PNMT: variants seen among roughly 807,000 people sequenced by gnomAD.
PNMT encodes noradrenaline N-methyltransferase.
In PNMT, 18 loss-of-function variants were observed where a neutral mutation model predicts 18.9. That is an observed-to-expected ratio of 0.95 (90% CI 0.66 to 1.41). The LOEUF is 1.41. Ranked by LOEUF, PNMT falls within the 40% of genes most tolerant of loss-of-function variation. The pLI is 0.00. For missense variants in PNMT, 378 were observed against 387.0 expected (o/e 0.98, Z 0.20); for synonymous variants, 167 against 168.6 (o/e 0.99, Z 0.08).
chr17:39,668,775 GC>G (rs2057275297), intron 1 of PNMT, 98 bp downstream of exon 1: 1 of 972,216 alleles, frequency 1.0e-6, no homozygotes, highest in Middle Eastern at 2.3e-4. Context: ...CAGACCAGGC[GC>G]CTAACAGATG....
rs562961764 is a variant in PNMT, at chr17:39,668,693, T to C, written c.202+16T>C. On this transcript the variant is annotated intron_variant, in intron 1 of 2. Transcript: ENST00000269582. ...TTCGCCACCGGTGAGCGGGGGAAAC[T>C]GAGGCACGAGGGACAAGAGGTCGTC... 1.3e-6 allele frequency: 2 copies of C among 1,559,564 alleles called. No homozygotes were observed. Among genetic ancestry groups the C allele is most frequent in the East Asian group, 2.4e-5 (1 of 41,080 alleles).
rs58657554 is a variant in PNMT, at chr17:39,670,362, C to T, written c.822C>T (p.Phe274=). ...TAGATGATGTCAAGGGCGTCTTCTT[C>T]GCCTGGGCTCAGAAGGTTGGGCTGT... The part of the protein sequence containing the change: ...TGVDDVKGVF[F]AWAQKVGL The change falls in exon 3 of 3, where the codon TTC becomes TTT. Residue 274 remains phenylalanine (F), a synonymous_variant. Transcript: ENST00000269582. 1,378 of 1,590,742 alleles carry T rather than the reference C, an allele frequency of 8.7e-4. 11 individuals are homozygous for T. The African/African-American group carries it at 0.015, about 18-fold the overall frequency.
chr17:39,670,174 C>A lies in PNMT; in HGVS notation c.634C>A (p.Leu212Ile), dbSNP rs769755357. ...GCTGCTGAGGCCTGGGGGGCACCTC[C>A]TCCTCATCGGGGCCCTGGAGGAGTC... The part of the protein sequence containing the change: ...TTLLRPGGHL[L>I]LIGALEESWY... Residue 212 changes from leucine (L) to isoleucine (I), a missense_variant, in exon 3 of 3, where the codon CTC (leucine) becomes ATC (isoleucine). Coordinates refer to ENST00000269582, the MANE Select transcript of PNMT (RefSeq NM_002686.4). 12 of 1,612,172 alleles carry A rather than the reference C, an allele frequency of 7.4e-6. No homozygotes were observed. In the South Asian group the frequency reaches 1.3e-4, roughly 18 times the overall value.
In PNMT at chr17:39,668,623, C is replaced by A; in HGVS notation, c.148C>A (p.Pro50Thr). 1.9e-6 allele frequency: 3 copies of A among 1,606,886 alleles called. No individual in the cohort carries two copies. In the South Asian group the frequency reaches 3.3e-5, roughly 18 times the overall value. Residue 50 changes from proline to threonine, a missense_variant, in exon 1 of 3, where the codon CCG (proline) becomes ACG (threonine). Physicochemically the swap from Pro to Thr is conservative, Grantham distance 38. Transcript: ENST00000269582. ...YAPPRGDLCN[P>T]NGVGPWKLRC... ...GCCCCCTCGCGGGGACCTGTGCAAC[C>A]CGAACGGCGTCGGGCCGTGGAAGCT...
chr17:39,668,400 C>A (rs2057271460), upstream of PNMT: 1 of 1,232,778 alleles, frequency 8.1e-7, no homozygotes, highest in Non-Finnish European at 1.0e-6. Context: ...CACAGCGGAC[C>A]GGTCGGGGCG....
chr17:39,669,811 C>T lies in PNMT; in HGVS notation c.385C>T (p.His129Tyr), dbSNP rs748715315. The T allele has an allele frequency of 1.2e-6, 2 of 1,613,930 alleles. No homozygotes were observed. Among genetic ancestry groups the T allele is most frequent in the South Asian group, 2.2e-5 (2 of 91,082 alleles). ...GAFNWSMYSQHACLIEGKGEC... is the reference protein window; with the variant it reads ...GAFNWSMYSQYACLIEGKGEC... ...CTTCAACTGGAGCATGTACAGCCAA[C>T]ATGCCTGCCTCATTGAGGGCAAGGG... Residue 129 changes from histidine to tyrosine, a missense_variant, in exon 2 of 3, where the codon CAT (histidine) becomes TAT (tyrosine). Coordinates refer to ENST00000269582, the MANE Select transcript of PNMT (RefSeq NM_002686.4).
chr17:39,669,743 A>C lies in PNMT; in HGVS notation c.317A>C (p.Asn106Thr), dbSNP rs772606092. 6.2e-7 allele frequency: 1 copy of C among 1,614,080 alleles called. No individual in the cohort carries two copies. The highest frequency in any genetic ancestry group is 2.2e-5 in the East Asian group (1 of 44,874). ...ACCATGACAGATTTCCTGGAGGTCAACCGCCAGGAGCTGGGGCGCTGGCTG... is the reference window on the plus strand; with the variant it reads ...ACCATGACAGATTTCCTGGAGGTCACCCGCCAGGAGCTGGGGCGCTGGCTG... ...DITMTDFLEV[N>T]RQELGRWLQE... The change falls in exon 2 of 3, where the codon AAC becomes ACC. Residue 106 changes from asparagine to threonine, a missense_variant. Transcript: ENST00000269582.
intron 2 of PNMT, 38 bp downstream of exon 2, chr17:39,669,874 C>T (rs2057283953): frequency 6.3e-7 from 1 of 1,599,354 alleles, no homozygotes. Context: ...AGGAGGCTTC[C>T]CATAGAGTGG....
chr17:39,670,030 C>A lies in PNMT; in HGVS notation c.490C>A (p.Pro164Thr). The A allele has an allele frequency of 6.2e-7, 1 of 1,605,998 alleles. No homozygotes were observed. The highest frequency in any genetic ancestry group is 1.1e-5 in the South Asian group (1 of 91,078). ...VLPIDVHQPQ[P>T]LGAGSPAPLP... The stretch of plus-strand genomic sequence containing the variant: ...GCCCATCGACGTGCACCAGCCCCAG[C>A]CCCTGGGTGCTGGGAGCCCAGCTCC... Residue 164 changes from proline to threonine, a missense_variant, in exon 3 of 3, where the codon CCC becomes ACC. Physicochemically the swap from Pro to Thr is conservative, Grantham distance 38. Coordinates refer to ENST00000269582, the MANE Select transcript of PNMT (RefSeq NM_002686.4).
chr17:39,668,342 G>A (rs2057271036), upstream of PNMT: 1 of 610,012 alleles, frequency 1.6e-6, no homozygotes, highest in Admixed American at 4.4e-5. Context: ...GGGTGGGGAG[G>A]ATGCGGCGCA....
rs200718504 is a variant in PNMT at position 39,670,199 on chromosome 17, C to T, written c.659C>T (p.Ser220Leu). 1.4e-4 allele frequency: 229 copies of T among 1,611,768 alleles called. 2 individuals carry two copies. Among genetic ancestry groups the T allele is most frequent in the Middle Eastern group, 1.7e-4 (1 of 5,760 alleles). Residue 220 changes from serine (S) to leucine (L), a missense_variant, in exon 3 of 3, where the codon TCG (serine) becomes TTG (leucine). Ser to Leu is a moderately radical substitution (Grantham distance 145). Transcript: ENST00000269582. ...HLLLIGALEE[S>L]WYLAGEARLT... is the part of the protein sequence containing the mutation. ...CTCCTCATCGGGGCCCTGGAGGAGT[C>T]GTGGTACCTGGCTGGGGAGGCCAGG... is the stretch of plus-strand genomic sequence containing the variant.
intron 1 of PNMT, 121 bp from the exon 2 acceptor site, chr17:39,669,508 C>A: frequency 1.4e-6 from 1 of 709,838 alleles, no homozygotes; most frequent in Non-Finnish European, 2.5e-6. Flanking sequence ...GATGGAGACA[C>A]ATTTGCAGAG....
Position 39,669,741 on chromosome 17 carries a change from C to A in PNMT, c.315C>A (p.Val105=). Residue 105 remains valine (V), a synonymous_variant, in exon 2 of 3, where the codon GTC becomes GTA. Coordinates refer to ENST00000269582, the MANE Select transcript of PNMT (RefSeq NM_002686.4). ...EDITMTDFLE[V]NRQELGRWLQ... ...TCACCATGACAGATTTCCTGGAGGT[C>A]AACCGCCAGGAGCTGGGGCGCTGGC... The A allele has an allele frequency of 6.2e-7, 1 of 1,613,886 alleles. No individual in the cohort carries two copies. Among genetic ancestry groups the A allele is most frequent in the South Asian group, 1.1e-5 (1 of 91,062 alleles).
chr17:39,669,888 G>A, intron 2 of PNMT, 52 bp downstream of exon 2: 1 of 1,595,606 alleles, frequency 6.3e-7, no homozygotes, highest in Non-Finnish European at 8.6e-7. Context: ...AGAGTGGCTG[G>A]TTGGGGCAAC....
intron 1 of PNMT, 118 bp downstream of exon 1, chr17:39,668,795 G>A: frequency 2.6e-6 from 2 of 759,746 alleles, no homozygotes; most frequent in Non-Finnish European, 4.1e-6. Flanking sequence ...TGGGGACCAA[G>A]AAACAAGAGA....
chr17:39,668,561 G>C lies in PNMT; in HGVS notation c.86G>C (p.Arg29Pro). ...GCGGCGGTGGCTTCGGCCTACCAGCGCTTCGAGCCGCGCGCCTACCTCCGC... is the reference window on the plus strand; with the variant it reads ...GCGGCGGTGGCTTCGGCCTACCAGCCCTTCGAGCCGCGCGCCTACCTCCGC... The part of the protein sequence containing the change: ...GQAAVASAYQ[R>P]FEPRAYLRNN... The change falls in exon 1 of 3, where the codon CGC becomes CCC. Residue 29 changes from arginine (R) to proline (P), a missense_variant. Coordinates refer to ENST00000269582, the MANE Select transcript of PNMT (RefSeq NM_002686.4). 6.3e-7 allele frequency: 1 copy of C among 1,576,960 alleles called. No homozygotes were observed. Among genetic ancestry groups the C allele is most frequent in the Non-Finnish European group, 8.6e-7 (1 of 1,168,412 alleles).
chr17:39,669,851 G>C lies in PNMT; in HGVS notation c.410+15G>C, dbSNP rs1402673281. On this transcript the variant is annotated intron_variant, in intron 2 of 2. Coordinates refer to ENST00000269582, the MANE Select transcript of PNMT (RefSeq NM_002686.4). ...GAGGGCAAGGGGTAAGGACTGGGGG[G>C]TGAGGGTTGGGGAGGAGGCTTCCCA... is the stretch of plus-strand genomic sequence containing the variant. The C allele has an allele frequency of 1.9e-6, 3 of 1,609,154 alleles. No homozygotes were observed. In the Admixed American group the frequency reaches 5.0e-5, roughly 27 times the overall value.
chr17:39,668,770 CA>C (rs1461672314), intron 1 of PNMT, 93 bp downstream of exon 1: 1 of 1,038,422 alleles, frequency 9.6e-7, no homozygotes, highest in African/African-American at 1.6e-5. Flanking sequence ...GGAGACAGAC[CA>C]GGCGCCTAAC....
At chr17:39,668,444 G>A, upstream of PNMT, 2 of 1,351,784 alleles carry the variant, frequency 1.5e-6, no homozygotes, top group East Asian at 3.1e-5. Context: ...GCCGCGAGGC[G>A]AGCGGGGCAC....
Sources: allele counts gnomAD v4.1 joint callset, GRCh38; gene constraint gnomAD v4.1.1; transcripts MANE v1.5; gene names NCBI Gene and HGNC (gene_info 2026-07-23, HGNC 2026-07-21).